Variants in KIF4A observed in about 807,000 individuals in gnomAD.
KIF4A encodes kinesin family member 4A.
Under a neutral mutation model 105.9 loss-of-function variants are expected in KIF4A, and 7 were observed. That is an observed-to-expected ratio of 0.07 (90% CI 0.04 to 0.12). KIF4A has a LOEUF of 0.12. Ranked by LOEUF, KIF4A falls within the 10% of genes least tolerant of loss-of-function variation. KIF4A has a pLI of 1.00. For synonymous variants in KIF4A, 281 were observed against 331.3 expected (o/e 0.85, Z 1.65); for missense variants, 558 against 929.2 (o/e 0.60, Z 5.19).
At chrX:70,401,184 A>C (rs1301012938) in intron 22 of KIF4A, among the ~76,000 whole-genome samples, 1 of 105,136 alleles carries the variant, frequency 9.5e-6, no homozygotes, top group African/African-American at 3.5e-5. Flanking sequence ...GGTTCAAGCA[A>C]TTCTCCTGTC....
chrX:70,335,335 G>A (rs781163177), intron 10 of KIF4A, among the ~76,000 whole-genome samples: 2 of 112,051 alleles, frequency 1.8e-5, no homozygotes, highest in South Asian at 7.4e-4. Context: ...GGTATCTAAT[G>A]TAGTCAAATT....
At chrX:70,345,239 G>A (rs752991559) in intron 13 of KIF4A, among the ~76,000 whole-genome samples, 6 of 112,031 alleles carry the variant, frequency 5.4e-5, no homozygotes, top group South Asian at 3.7e-4. Flanking sequence ...CAAGGTGGGC[G>A]GATCACCTGA....
At chrX:70,320,134 C>T (rs1277601567) in intron 7 of KIF4A, among the ~76,000 whole-genome samples, 1 of 111,638 alleles carries the variant, frequency 9.0e-6, no homozygotes, top group Non-Finnish European at 1.9e-5. Context: ...TCTAATTGCA[C>T]CCAGCATGAT....
chrX:70,356,919 A>G (rs190553351), intron 15 of KIF4A, among the ~76,000 whole-genome samples: 1,365 of 112,214 alleles, frequency 0.012, 26 homozygotes, highest in Admixed American at 0.063. Flanking sequence ...AAATTGAGCC[A>G]TATAGTATGA....
intron 15 of KIF4A, among the ~76,000 whole-genome samples, chrX:70,373,222 T>C (rs1364159736): frequency 9.7e-6 from 1 of 103,498 alleles, no homozygotes; most frequent in Non-Finnish European, 2.0e-5. Context: ...CAGTGAACCA[T>C]GATCATGCCT....
chrX:70,387,906 G>A (rs771831146), intron 20 of KIF4A, among the ~76,000 whole-genome samples: 1 of 111,699 alleles, frequency 9.0e-6, no homozygotes, highest in Non-Finnish European at 1.9e-5. Flanking sequence ...GTTTGGACAC[G>A]TGTATACACC....
intron 3 of KIF4A, among the ~76,000 whole-genome samples, chrX:70,293,732 G>T (rs1484840980): frequency 8.9e-6 from 1 of 111,862 alleles, no homozygotes; most frequent in Non-Finnish European, 1.9e-5. Flanking sequence ...GAAAAGGTGA[G>T]GTAAAAATAC....
rs747202659 is a variant in KIF4A, at chrX:70,302,221, G to A, written c.684-83G>A. 7.8e-4 allele frequency: 868 copies of A among 1,114,068 alleles called. 1 individual carries two copies. The highest frequency in any genetic ancestry group is 9.9e-4 in the Non-Finnish European group (817 of 822,275). 91.8% of individuals were successfully genotyped at this position (1,114,068 alleles called of 1,213,427 possible). A position where few individuals can be genotyped will look rare whatever the true frequency, so the allele number is the denominator to read the frequency against. On this transcript the variant is annotated intron_variant, in intron 6 of 30. Transcript: ENST00000374403. Reference sequence around the variant, plus strand: ...CATTTTGACTGACTTGAAAGAAAATGAGAGCTGACAGGTCAGCTTTGATAT... The same window carrying A: ...CATTTTGACTGACTTGAAAGAAAATAAGAGCTGACAGGTCAGCTTTGATAT...
chrX:70,417,289 G>A (rs774220781), intron 28 of KIF4A, among the ~76,000 whole-genome samples: 1 of 112,187 alleles, frequency 8.9e-6, no homozygotes, highest in Non-Finnish European at 1.9e-5. Flanking sequence ...GATCACCTGA[G>A]GTCAGGAGTT....
chrX:70,309,674 C>T (rs189770614), intron 7 of KIF4A, among the ~76,000 whole-genome samples: 53 of 112,416 alleles, frequency 4.7e-4, no homozygotes, highest in Admixed American at 1.1e-3. Flanking sequence ...GAAATGATTA[C>T]CACAGTCAAG....
chrX:70,333,152 A>C (rs1359628054), intron 9 of KIF4A, among the ~76,000 whole-genome samples: 1 of 109,436 alleles, frequency 9.1e-6, no homozygotes, highest in African/African-American at 3.3e-5. Flanking sequence ...CAGGCTGGCC[A>C]ACATGGTGAA....
At chrX:70,347,974 C>A (rs201680151) in intron 13 of KIF4A, among the ~76,000 whole-genome samples, 26 of 23,141 alleles carry the variant, frequency 1.1e-3, no homozygotes, top group South Asian at 7.5e-3. Context: ...GACTCCGTCT[C>A]AAAAAAAAAA....
chrX:70,355,496 G>T (rs1421992799), intron 15 of KIF4A, among the ~76,000 whole-genome samples: 1 of 111,861 alleles, frequency 8.9e-6, no homozygotes, highest in Non-Finnish European at 1.9e-5. Flanking sequence ...CTTGGGCGGG[G>T]CCAATAATTT....
chrX:70,335,075 A>G (rs2085945408), intron 10 of KIF4A, among the ~76,000 whole-genome samples: 1 of 112,267 alleles, frequency 8.9e-6, no homozygotes, highest in Non-Finnish European at 1.9e-5. Context: ...GCAAGGTCTC[A>G]AAGAGATGTC....
intron 7 of KIF4A, 114 bp downstream of exon 7, chrX:70,302,512 C>A: frequency 1.4e-6 from 1 of 720,125 alleles, no homozygotes; most frequent in Non-Finnish European, 2.0e-6. Flanking sequence ...AGCTACGATT[C>A]AGATTTGAGG....
At chrX:70,354,741 C>A (rs2086044348) in intron 15 of KIF4A, among the ~76,000 whole-genome samples, 1 of 111,637 alleles carries the variant, frequency 9.0e-6, no homozygotes, top group South Asian at 3.8e-4. Flanking sequence ...CCCTTGGTCC[C>A]TTCCCTCCTG....
At chrX:70,355,004 G>A (rs1336791971) in intron 15 of KIF4A, among the ~76,000 whole-genome samples, 2 of 111,455 alleles carry the variant, frequency 1.8e-5, no homozygotes, top group Admixed American at 9.5e-5. Flanking sequence ...TGTGGAGTTA[G>A]GATTCTTTCC....
At chrX:70,322,660 A>G (rs759009556) in intron 7 of KIF4A, among the ~76,000 whole-genome samples, 32 of 106,251 alleles carry the variant, frequency 3.0e-4, no homozygotes, top group Non-Finnish European at 5.6e-4. Context: ...AATAATATCA[A>G]TATCCACCCA....
chrX:70,304,510 G>A (rs764658701), intron 7 of KIF4A, among the ~76,000 whole-genome samples: 12 of 109,536 alleles, frequency 1.1e-4, no homozygotes, highest in African/African-American at 3.3e-4. Context: ...CTGAGGAATC[G>A]CCACACTGAC....
Sources: gnomAD v4.1 joint callset for allele counts (sites outside exome capture counted in the v4.1 genomes callset) on GRCh38, gnomAD v4.1.1 for gene constraint, MANE v1.5 for transcripts, NCBI Gene and HGNC (gene_info 2026-07-23, HGNC 2026-07-21) for gene names.